KAT2A: variants seen among roughly 807,000 people sequenced by gnomAD.
KAT2A encodes the protein lysine acetyltransferase 2A.
In KAT2A, 42 loss-of-function variants were observed where a neutral mutation model predicts 95.2. The ratio of observed to expected loss-of-function variants is 0.44; its 90% confidence interval spans 0.34 to 0.57. The LOEUF (loss-of-function observed/expected upper bound fraction) is 0.57. KAT2A is among the 20% of genes least tolerant of loss of function. The pLI, the probability that KAT2A is intolerant of heterozygous loss-of-function variation, is 0.01. For missense variants in KAT2A, 784 were observed against 1,126.3 expected, an observed-to-expected ratio of 0.70 and a Z score of 4.35; for synonymous variants, 449 against 448.2, an observed-to-expected ratio of 1.00 and a Z score of -0.02.
In KAT2A at chr17:42,119,990, C is replaced by A. The variant is rs1291224471; in HGVS notation, c.699+40G>T. The A allele has an allele frequency of 1.3e-6, 2 of 1,543,362 alleles. No homozygotes were observed. The highest frequency in any genetic ancestry group is 2.7e-5 in the African/African-American group (2 of 73,426). On this transcript the variant is annotated intron_variant, in intron 4 of 17. Transcript: ENST00000225916. The surrounding 1 kb of genome is among the most constrained non-coding windows in gnomAD (Gnocchi z 5.3). ...GGCTCCCCACTCCTCCAAGCTGTCC[C>A]CAATTCTCCTATCCGCTATCTCCAA...
Position 42,117,140 on chromosome 17 carries a change from C to T in KAT2A, c.1659G>A (p.Leu553=), listed in dbSNP as rs1460299690. The T allele has an allele frequency of 6.2e-7, 1 of 1,614,070 alleles. No homozygotes were observed. Among genetic ancestry groups the T allele is most frequent in the Non-Finnish European group, 8.5e-7 (1 of 1,180,038 alleles). ...VFDPKHKTLA[L]IKDGRVIGGI... is the part of the protein sequence containing the mutation. ...CACCGATGACCCGCCCATCCTTGAT[C>T]AAGGCCAGAGTCTTGTGCTTCCTAA... is the stretch of plus-strand genomic sequence containing the variant. The change falls in exon 11 of 18, where the codon TTG becomes TTA. Residue 553 remains leucine, a synonymous_variant. Coordinates refer to ENST00000225916, the MANE Select transcript of KAT2A (RefSeq NM_021078.3). The surrounding 1 kb of genome is among the most constrained non-coding windows in gnomAD (Gnocchi z 8.9).
chr17:42,113,659 A>G lies in KAT2A; in HGVS notation c.2504T>C (p.Ile835Thr), dbSNP rs782108424. Residue 835 changes from isoleucine to threonine, a missense_variant, in exon 18 of 18, where the codon ATT (isoleucine) becomes ACT (threonine). Ile to Thr is a moderately conservative substitution (Grantham distance 89). Coordinates refer to ENST00000225916, the MANE Select transcript of KAT2A (RefSeq NM_021078.3). Reference sequence around the variant, plus strand: ...GGCCCAAAGATGGGCCTACTTGTCAATGAGGCCTCCCTCCTTGAGCTTGAA... The same window carrying G: ...GGCCCAAAGATGGGCCTACTTGTCAGTGAGGCCTCCCTCCTTGAGCTTGAA... The part of the protein sequence containing the change: ...FYFKLKEGGL[I>T]DK 1.9e-6 allele frequency: 3 copies of G among 1,608,218 alleles called. No individual in the cohort carries two copies. The highest frequency in any genetic ancestry group is 2.2e-5 in the East Asian group (1 of 44,618).
rs1598234187 is a variant in KAT2A, at chr17:42,119,855, A to G, written c.700-137T>C. 2 of 981,880 alleles carry G rather than the reference A, an allele frequency of 2.0e-6. No homozygotes were observed. The highest frequency in any genetic ancestry group is 5.2e-5 in the East Asian group (2 of 38,634). 60.8% of individuals were successfully genotyped at this position (981,880 alleles called of 1,614,324 possible). On this transcript the variant is annotated intron_variant, in intron 4 of 17. Coordinates refer to ENST00000225916, the MANE Select transcript of KAT2A (RefSeq NM_021078.3). The surrounding 1 kb of genome is among the most constrained non-coding windows in gnomAD (Gnocchi z 5.3). ...TCTCTCTCTCGGGTGCTCTCTATAGAAAAGCTCTGCCCCCTCCCTACCACC... is the reference window on the plus strand; with the variant it reads ...TCTCTCTCTCGGGTGCTCTCTATAGGAAAGCTCTGCCCCCTCCCTACCACC...
chr17:42,115,092 G>A lies in KAT2A; in HGVS notation c.1876-57C>T, dbSNP rs77336254. On this transcript the variant is annotated intron_variant, in intron 12 of 17. Transcript: ENST00000225916. ...CCATAAGTATTTCCCAACTTCTGTCGTCCCTCACCTGGGAGCACCAGAGGA... is the reference window on the plus strand; with the variant it reads ...CCATAAGTATTTCCCAACTTCTGTCATCCCTCACCTGGGAGCACCAGAGGA... 2.0e-3 allele frequency: 3,169 copies of A among 1,574,090 alleles called. 58 individuals are homozygous for A. In the African/African-American group the frequency reaches 0.038, roughly 19 times the overall value.
chr17:42,120,630 GC>G, intron 2 of KAT2A, 75 bp downstream of exon 2: 1 of 1,590,086 alleles, frequency 6.3e-7, no homozygotes, highest in Non-Finnish European at 8.6e-7. Flanking sequence ...CAGAGATGAA[GC>G]TTTGTGGCAC....
At chr17:42,116,324 C>T (rs547029660) in intron 11 of KAT2A, among the ~76,000 whole-genome samples, 126 of 152,318 alleles carry the variant, frequency 8.3e-4, no homozygotes, top group Middle Eastern at 3.4e-3. Flanking sequence ...AGGCACCACA[C>T]AGATCTGAGG....
Position 42,119,436 on chromosome 17 carries a change from T to C in KAT2A, c.882A>G (p.Arg294=), listed in dbSNP as rs1568012489. 1 of 1,608,798 alleles carries C rather than the reference T, an allele frequency of 6.2e-7. No individual in the cohort carries two copies. ...DVATYKVNYT[R]WLCYCHVPQS... ...GGGGCACGTGGCAGTAACAGAGCCA[T>C]CTGGAGTAGGGGGTCGAGGGGGAGA... Residue 294 remains arginine, a splice_region_variant and synonymous_variant, in exon 6 of 18, where the codon AGA becomes AGG. Coordinates refer to ENST00000225916, the MANE Select transcript of KAT2A (RefSeq NM_021078.3). The surrounding 1 kb of genome is among the most constrained non-coding windows in gnomAD (Gnocchi z 5.3).
At chr17:42,118,137 AGG>A in intron 7 of KAT2A, 120 bp from the exon 8 acceptor site, 2 of 766,552 alleles carry the variant, frequency 2.6e-6, no homozygotes, top group Non-Finnish European at 4.2e-6. Flanking sequence ...GCTGAAGCTG[AGG>A]AGAGAGAGAG....
In KAT2A at chr17:42,114,928, G is replaced by A; in HGVS notation, c.1983C>T (p.Tyr661=). The change falls in exon 13 of 18, where the codon TAC becomes TAT. Residue 661 remains tyrosine (Y), a synonymous_variant. Transcript: ENST00000225916. This position sits in a 1 kb window ranked among gnomAD's most constrained non-coding sequence, Gnocchi z 6.0. ...TCTTGATGATGTGGGACAGCTCCGT[G>A]TAGGGGATGCGGGGATTCAGCTCAC... ...MECELNPRIP[Y]TELSHIIKKQ... is the part of the protein sequence containing the mutation. 6.2e-7 allele frequency: 1 copy of A among 1,614,118 alleles called. No homozygotes were observed. The highest frequency in any genetic ancestry group is 8.5e-7 in the Non-Finnish European group (1 of 1,179,988).
chr17:42,114,652 C>T lies in KAT2A; in HGVS notation c.2020-48G>A, dbSNP rs371364476. The T allele has an allele frequency of 6.5e-7, 1 of 1,533,984 alleles. No individual in the cohort carries two copies. ...GGGCCAACTCCAGCCCCAACAACAA[C>T]CCCTCCCAGGGCCACAGTCGGAGCC... On this transcript the variant is annotated intron_variant, in intron 13 of 17. Transcript: ENST00000225916. The surrounding 1 kb of genome is among the most constrained non-coding windows in gnomAD (Gnocchi z 6.0).
In KAT2A at chr17:42,117,605, A is replaced by G. The variant is rs1555666271; in HGVS notation, c.1429-9T>C. 5.0e-6 allele frequency: 8 copies of G among 1,609,748 alleles called. No individual in the cohort carries two copies. Among genetic ancestry groups the G allele is most frequent in the Non-Finnish European group, 6.8e-6 (8 of 1,177,566 alleles). On this transcript the variant is annotated splice_polypyrimidine_tract_variant and intron_variant, in intron 9 of 17. Coordinates refer to ENST00000225916, the MANE Select transcript of KAT2A (RefSeq NM_021078.3). The surrounding 1 kb of genome is among the most constrained non-coding windows in gnomAD (Gnocchi z 8.9). ...GCCGAAAGCAGGCTCGTCTGGGCAC[A>G]GAAGAGGGGTGGTGAGCCGGGGTCT...
intron 7 of KAT2A, 118 bp downstream of exon 7, chr17:42,118,179 G>A (rs1282340498): frequency 5.3e-5 from 46 of 866,604 alleles, no homozygotes; most frequent in Non-Finnish European, 7.4e-5. Context: ...GGCTGAAGCC[G>A]GTGGCAGGTC....
Position 42,121,333 on chromosome 17 carries a change from G to A in KAT2A, c.-29C>T. The A allele has an allele frequency of 2.9e-6, 4 of 1,365,100 alleles. No homozygotes were observed. The highest frequency in any genetic ancestry group is 1.8e-5 in the South Asian group (1 of 55,736). 84.6% of individuals were successfully genotyped at this position (1,365,100 alleles called of 1,614,324 possible). On this transcript the variant is annotated 5_prime_UTR_variant, in exon 1 of 18. Coordinates refer to ENST00000225916, the MANE Select transcript of KAT2A (RefSeq NM_021078.3). ...CTCCCCCGCAGCGGAGAGCGGCGCCGCGCTCCCAGCCCTAGGGCCGCATGG... is the reference window on the plus strand; with the variant it reads ...CTCCCCCGCAGCGGAGAGCGGCGCCACGCTCCCAGCCCTAGGGCCGCATGG...
Position 42,118,382 on chromosome 17 carries a change from C to T in KAT2A, c.1095G>A (p.Glu365=), listed in dbSNP as rs782778968. 9.9e-6 allele frequency: 16 copies of T among 1,613,094 alleles called. No individual in the cohort carries two copies. Among genetic ancestry groups the T allele is most frequent in the African/African-American group, 1.3e-5 (1 of 75,026 alleles). ...TTGGAGAGTTTGCCCCATAGATCTC[C>T]TCCTCCAGCATGGACAGGAATCTGT... is the stretch of plus-strand genomic sequence containing the variant. ...HFPKFLSMLE[E]EIYGANSPIW... is the part of the protein sequence containing the mutation. Residue 365 remains glutamate (E), a synonymous_variant, in exon 7 of 18, where the codon GAG becomes GAA. Coordinates refer to ENST00000225916, the MANE Select transcript of KAT2A (RefSeq NM_021078.3).
chr17:42,114,034 G>A lies in KAT2A; in HGVS notation c.2286C>T (p.Ala762=). The change falls in exon 17 of 18, where the codon GCC becomes GCT. Residue 762 remains alanine, a synonymous_variant. Transcript: ENST00000225916. The surrounding 1 kb of genome is among the most constrained non-coding windows in gnomAD (Gnocchi z 6.0). ...PFMEPVKKSE[A]PDYYEVIRFP... is the part of the protein sequence containing the mutation. ...AGCGGATGACCTCGTAGTAGTCAGG[G>A]GCCTCCGACTTCTTCACAGGCTCCA... 1.3e-6 allele frequency: 2 copies of A among 1,520,936 alleles called. No individual in the cohort carries two copies. The highest frequency in any genetic ancestry group is 1.8e-6 in the Non-Finnish European group (2 of 1,140,316). The allele number at this position is 1,520,936 out of a possible 1,614,324, so 94.2% of individuals were successfully genotyped here.
In KAT2A at chr17:42,120,336, C is replaced by T. The variant is rs782486139; in HGVS notation, c.498G>A (p.Glu166=). The T allele has an allele frequency of 1.4e-5, 22 of 1,614,124 alleles. No individual in the cohort carries two copies. Among genetic ancestry groups the T allele is most frequent in the African/African-American group, 8.0e-5 (6 of 74,940 alleles). The part of the protein sequence containing the change: ...DHVSHLENVS[E]DEINRLLGMV... ...TCCCCAGCAGTCGGTTTATCTCATC[C>T]TCTGACACATTCTCCAAGTGGGATA... Residue 166 remains glutamate (E), a synonymous_variant, in exon 3 of 18, where the codon GAG becomes GAA. Coordinates refer to ENST00000225916, the MANE Select transcript of KAT2A (RefSeq NM_021078.3).
At chr17:42,118,579 G>A (rs150872815) in intron 6 of KAT2A, among the ~76,000 whole-genome samples, 176 bp from the exon 7 acceptor site, 1,701 of 152,300 alleles carry the variant, frequency 0.011, 27 homozygotes, top group African/African-American at 0.039. Flanking sequence ...AAGAGGACAG[G>A]ACACATCCAG....
chr17:42,119,951 G>T lies in KAT2A; in HGVS notation c.699+79C>A. On this transcript the variant is annotated intron_variant, in intron 4 of 17. Transcript: ENST00000225916. This position sits in a 1 kb window ranked among gnomAD's most constrained non-coding sequence, Gnocchi z 5.3. ...CTCCCCAGTGTTCTCAGCTTGAGGA[G>T]AATGGAGAACACAGGCTCCCCACTC... is the stretch of plus-strand genomic sequence containing the variant. 3 of 1,291,636 alleles carry T rather than the reference G, an allele frequency of 2.3e-6. No individual in the cohort carries two copies. The highest frequency in any genetic ancestry group is 3.4e-6 in the Non-Finnish European group (3 of 890,008). The allele number at this position is 1,291,636 out of a possible 1,614,324, so 80.0% of individuals were successfully genotyped here.
At chr17:42,115,856 T>C in intron 11 of KAT2A, 23 bp from the exon 12 acceptor site, 1 of 1,393,688 alleles carries the variant, frequency 7.2e-7, no homozygotes, top group Non-Finnish European at 1.0e-6. Context: ...GAAGCAGGAC[T>C]CACCAGGAGC....
Sources: allele counts gnomAD v4.1 joint callset (sites outside exome capture counted in the v4.1 genomes callset), GRCh38; gene constraint gnomAD v4.1.1; non-coding constraint Gnocchi (gnomAD v3.1); transcripts MANE v1.5; gene names NCBI Gene and HGNC (gene_info 2026-07-23, HGNC 2026-07-21).